CEP83: variants seen among roughly 807,000 people sequenced by gnomAD.
The protein encoded by CEP83 is centrosomal protein of 83 kDa.
Under a neutral mutation model 101.9 loss-of-function variants are expected in CEP83, and 70 were observed. The ratio of observed to expected loss-of-function variants is 0.69; its 90% CI spans 0.57 to 0.84. CEP83 has a LOEUF of 0.84. Ranked by LOEUF, CEP83 falls within the 40% of genes least tolerant of loss-of-function variation. The probability of loss-of-function intolerance (pLI) is 0.00; values close to 1 mark genes in which losing one functional copy is unlikely to be tolerated. For missense variants in CEP83, 715 were observed against 787.2 expected (o/e 0.91, Z 1.10); for synonymous variants, 264 against 267.9 (o/e 0.99, Z 0.14).
intron 14 of CEP83, among the ~76,000 whole-genome samples, chr12:94,314,608 C>T (rs1970375647): frequency 6.6e-6 from 1 of 152,160 alleles, no homozygotes; most frequent in Non-Finnish European, 1.5e-5. Context: ...TCACTCAGTA[C>T]ACCGTTAAGG....
At chr12:94,404,566 G>A (rs1386712657) in intron 4 of CEP83, among the ~76,000 whole-genome samples, 1 of 152,128 alleles carries the variant, frequency 6.6e-6, no homozygotes, top group East Asian at 1.9e-4. Context: ...ATTTCCAAAT[G>A]CCACCTTGGA....
intron 6 of CEP83, among the ~76,000 whole-genome samples, chr12:94,380,803 T>G (rs1184510692): frequency 6.6e-6 from 1 of 152,194 alleles, no homozygotes; most frequent in African/African-American, 2.4e-5. Context: ...ATTTTACACA[T>G]AGGGTCACAC....
chr12:94,304,757 G>T (rs1968827137), downstream of CEP83, among the ~76,000 whole-genome samples: 1 of 152,176 alleles, frequency 6.6e-6, no homozygotes, highest in Non-Finnish European at 1.5e-5. Flanking sequence ...GGGAGAGAAG[G>T]GAAGCACGAG....
chr12:94,408,043 C>T (rs1357614276), intron 4 of CEP83: 3 of 152,254 alleles, frequency 2.0e-5, no homozygotes, highest in Non-Finnish European at 4.4e-5. Context: ...GTCTCGAACT[C>T]CTGACCTCAG....
chr12:94,382,139 TTAGAG>T (rs1345964976), intron 6 of CEP83, among the ~76,000 whole-genome samples: 4 of 152,054 alleles, frequency 2.6e-5, no homozygotes, highest in South Asian at 4.1e-4. Flanking sequence ...GTCAAATTTA[TTAGAG>T]TAGAGTTGTT....
At chr12:94,355,064 C>T (rs1324927123) in intron 11 of CEP83, among the ~76,000 whole-genome samples, 1 of 151,542 alleles carries the variant, frequency 6.6e-6, no homozygotes, top group Non-Finnish European at 1.5e-5. Context: ...AATAAAAATG[C>T]AACATACCCA....
chr12:94,385,799 T>G lies in CEP83; in HGVS notation c.550-6757A>C, dbSNP rs541825024. Among the ~76,000 whole-genome samples the G allele has an allele frequency of 3.9e-5, 6 of 152,324 alleles. No homozygotes were observed. In the South Asian group the frequency reaches 1.0e-3, roughly 26 times the overall value. ...ATAGTAATGAGCCACATAATGAAGTTTCAGTCAACAACAGTCCACATACAT... is the reference window on the plus strand; with the variant it reads ...ATAGTAATGAGCCACATAATGAAGTGTCAGTCAACAACAGTCCACATACAT... On this transcript the variant is annotated intron_variant, in intron 6 of 16. Transcript: ENST00000397809.
intron 1 of CEP83, among the ~76,000 whole-genome samples, chr12:94,456,615 T>C (rs956495083): frequency 6.6e-6 from 1 of 152,000 alleles, no homozygotes; most frequent in Non-Finnish European, 1.5e-5. Context: ...GGAAGGAGAA[T>C]GAATGCAGGA....
intron 14 of CEP83, among the ~76,000 whole-genome samples, chr12:94,314,481 T>G (rs1970351140): frequency 6.6e-6 from 1 of 152,242 alleles, no homozygotes; most frequent in African/African-American, 2.4e-5. Flanking sequence ...ATGTAGTCTT[T>G]TATTAATGAC....
intron 4 of CEP83, among the ~76,000 whole-genome samples, chr12:94,405,872 A>G (rs1309683643): frequency 6.6e-6 from 1 of 152,184 alleles, no homozygotes. Context: ...GCACAGAAAG[A>G]CAACTATGAA....
intron 11 of CEP83, among the ~76,000 whole-genome samples, chr12:94,355,533 TTAG>T (rs1444313952): frequency 2.0e-5 from 3 of 151,686 alleles, no homozygotes; most frequent in African/African-American, 7.3e-5. Context: ...AAGCCCAAAG[TTAG>T]TAGAGAGAAC....
In CEP83 at chr12:94,331,714, T is replaced by C. The variant is rs768675258; in HGVS notation, c.1693A>G (p.Ile565Val). 1.2e-5 allele frequency: 20 copies of C among 1,613,784 alleles called. No individual in the cohort carries two copies. The highest frequency in any genetic ancestry group is 5.5e-5 in the South Asian group (5 of 91,080). ...QAKEKLQRAA[I>V]AQKKRKSLHE... ...GAACCACTTGCCTTTTTCTGGGCAA[T>C]TGCAGCTCGCTGCAGTTTCTCCTTA... The change falls in exon 14 of 17, where the codon ATT (isoleucine) becomes GTT (valine). Residue 565 changes from isoleucine (I) to valine (V), a missense_variant. Physicochemically the swap from Ile to Val is conservative, Grantham distance 29 (BLOSUM62 3). Transcript: ENST00000397809.
the CEP83 span, among the ~76,000 whole-genome samples, chr12:94,292,494 T>A: frequency 6.6e-6 from 1 of 152,184 alleles, no homozygotes; most frequent in African/African-American, 2.4e-5. Flanking sequence ...ATATGCAAAT[T>A]TTGTGATTTT....
chr12:94,397,202 T>G (rs1253660953), intron 6 of CEP83, among the ~76,000 whole-genome samples: 1 of 152,098 alleles, frequency 6.6e-6, no homozygotes, highest in Non-Finnish European at 1.5e-5. Context: ...ACATCACATA[T>G]GAAAATTAAT....
At chr12:94,408,769 A>T (rs151250788) in intron 4 of CEP83, among the ~76,000 whole-genome samples, 1 of 151,936 alleles carries the variant, frequency 6.6e-6, no homozygotes, top group Non-Finnish European at 1.5e-5. Flanking sequence ...TACTTTTTAG[A>T]GACAGAGTTA....
At chr12:94,423,638 G>T in intron 2 of CEP83, 1 of 1,548,910 alleles carries the variant, frequency 6.5e-7, no homozygotes. Flanking sequence ...CCTTAGCAGG[G>T]CCGACGGATG....
Position 94,368,202 on chromosome 12 carries a change from C to A in CEP83, c.1049-1G>T. 6.2e-7 allele frequency: 1 copy of A among 1,607,222 alleles called. No individual in the cohort carries two copies. The highest frequency in any genetic ancestry group is 2.2e-5 in the East Asian group (1 of 44,740). On this transcript the variant is annotated splice_acceptor_variant, in intron 9 of 16. Coordinates refer to ENST00000397809, the MANE Select transcript of CEP83 (RefSeq NM_016122.3). LOFTEE classifies it high-confidence loss of function. ...AGAATTTCATTGTCTGACTGTAATC[C>A]TAGTGTTTTTCAAGGAGAAAAGTGT...
intron 2 of CEP83, among the ~76,000 whole-genome samples, chr12:94,428,581 CACAA>C (rs1483379288): frequency 2.6e-5 from 4 of 152,126 alleles, no homozygotes; most frequent in Non-Finnish European, 5.9e-5. Context: ...CTGCAGTTAA[CACAA>C]ACATTCTCTT....
chr12:94,300,897 T>C, the CEP83 span: 6 of 1,603,962 alleles, frequency 3.7e-6, no homozygotes, highest in Non-Finnish European at 5.1e-6. Flanking sequence ...GAGATTATTC[T>C]CTCTTTGAAC....
Sources: gnomAD v4.1 joint callset for allele counts (sites outside exome capture counted in the v4.1 genomes callset) on GRCh38, gnomAD v4.1.1 for gene constraint, MANE v1.5 for transcripts, NCBI Gene and HGNC (gene_info 2026-07-23, HGNC 2026-07-21) for gene names.